NXN: variants seen among roughly 807,000 people sequenced by gnomAD.
NXN encodes nucleoredoxin 1.
A neutral mutation model predicts 48.6 loss-of-function variants in NXN; 16 were observed. The observed-to-expected ratio is 0.33, with a 90% CI of 0.22 to 0.50. NXN has a LOEUF of 0.50. Among genes scored for constraint, NXN ranks in the 20% least tolerant of loss-of-function variants. The pLI, the probability that NXN is intolerant of heterozygous loss-of-function variation, is 0.98. For missense variants in NXN, 492 were observed against 605.5 expected (o/e 0.81, Z 1.97); for synonymous variants, 281 against 269.6 (o/e 1.04, Z -0.41).
chr17:968,146 A>G, intron 1 of NXN, among the ~76,000 whole-genome samples: 1 of 123,234 alleles, frequency 8.1e-6, no homozygotes, highest in Non-Finnish European at 1.6e-5. Flanking sequence ...TATCTTCAAG[A>G]TCATTGAGGA....
At chr17:957,913 C>T (rs2069189892) in intron 1 of NXN, among the ~76,000 whole-genome samples, 1 of 152,174 alleles carries the variant, frequency 6.6e-6, no homozygotes, top group South Asian at 2.1e-4. Flanking sequence ...GTCAGCATCG[C>T]CCAGAATGTA....
intron 1 of NXN, among the ~76,000 whole-genome samples, chr17:964,726 C>T (rs2066976089): frequency 6.6e-6 from 1 of 152,130 alleles, no homozygotes; most frequent in Admixed American, 6.6e-5. Context: ...GAAAAGAAAC[C>T]TATTTCAAAG....
rs557427294 is a variant in NXN at position 945,503 on chromosome 17, C to T, written c.360+33816G>A. 1.6e-3 allele frequency among the ~76,000 whole-genome samples: 247 copies of T among 151,108 alleles called. 2 individuals carry two copies. Among genetic ancestry groups the T allele is most frequent in the Non-Finnish European group, 2.8e-3 (187 of 67,808 alleles). On this transcript the variant is annotated intron_variant, in intron 1 of 7. Coordinates refer to ENST00000336868, the MANE Select transcript of NXN (RefSeq NM_022463.5). ...AAAATTAGCCGGGCGTGGTGGCGGG[C>T]GCCTGTAGTCCCACCTACTTGGGAG...
chr17:928,041 C>G (rs2068819018), intron 1 of NXN, among the ~76,000 whole-genome samples: 1 of 151,948 alleles, frequency 6.6e-6, no homozygotes, highest in Non-Finnish European at 1.5e-5. Flanking sequence ...GAAGAGGACT[C>G]TGGCCAAGAA....
intron 5 of NXN, among the ~76,000 whole-genome samples, chr17:813,381 A>C (rs2144612667): frequency 6.6e-6 from 1 of 152,358 alleles, no homozygotes; most frequent in South Asian, 2.1e-4. Context: ...GCTCTGAAGG[A>C]GAAACGGCCC....
chr17:919,512 C>G lies in NXN; in HGVS notation c.360+59807G>C, dbSNP rs1026780915. 2.6e-5 allele frequency among the ~76,000 whole-genome samples: 4 copies of G among 152,098 alleles called. No homozygotes were observed. The highest frequency in any genetic ancestry group is 7.2e-5 in the African/African-American group (3 of 41,406). On this transcript the variant is annotated intron_variant, in intron 1 of 7. Coordinates refer to ENST00000336868, the MANE Select transcript of NXN (RefSeq NM_022463.5). This position sits in a 1 kb window ranked among gnomAD's most constrained non-coding sequence, Gnocchi z 5.1. The stretch of plus-strand genomic sequence containing the variant: ...AAAAGCCCTGTAATCTCAGCACAAC[C>G]AGAAATTAAAGTGGCAGTTTTGGGA...
chr17:882,911 C>T (rs1053236864), intron 1 of NXN, among the ~76,000 whole-genome samples: 1 of 152,112 alleles, frequency 6.6e-6, no homozygotes, highest in Non-Finnish European at 1.5e-5. Flanking sequence ...TACAGGCGCC[C>T]GCCACCACGC....
chr17:812,214 A>C (rs1227672036), intron 5 of NXN, among the ~76,000 whole-genome samples: 2 of 152,116 alleles, frequency 1.3e-5, no homozygotes, highest in African/African-American at 2.4e-5. Flanking sequence ...GGCGTGAGCC[A>C]CTGCGCGTGG....
chr17:816,438 C>T (rs1355903479), intron 5 of NXN, among the ~76,000 whole-genome samples: 4 of 152,122 alleles, frequency 2.6e-5, no homozygotes, highest in Middle Eastern at 3.4e-3. Context: ...ACGTGTCGGC[C>T]GGGCCTCTGC....
At chr17:939,647 G>T (rs1047019240) in intron 1 of NXN, among the ~76,000 whole-genome samples, 1 of 151,812 alleles carries the variant, frequency 6.6e-6, no homozygotes, top group African/African-American at 2.4e-5. Flanking sequence ...CGCCTGGCCA[G>T]AGATCATCTT....
At chr17:916,313 C>T (rs1292363079) in intron 1 of NXN, among the ~76,000 whole-genome samples, 1 of 152,182 alleles carries the variant, frequency 6.6e-6, no homozygotes, top group Non-Finnish European at 1.5e-5. Flanking sequence ...CTTTCTACTT[C>T]TTCCTGCTGA....
At chr17:889,751 GAAAGAA>G (rs2068393988) in intron 1 of NXN, among the ~76,000 whole-genome samples, 1 of 84,116 alleles carries the variant, frequency 1.2e-5, no homozygotes, top group Admixed American at 1.3e-4. Flanking sequence ...AAGAAAGAAA[GAAAGAA>G]AGAAAAAGAA....
chr17:937,932 G>A lies in NXN; in HGVS notation c.360+41387C>T, dbSNP rs114815247. ...GCAGCCACGAGGGAAGAAAAACGCTGCGCCCAGCGGAAAGGCCACAGGAGC... is the reference window on the plus strand; with the variant it reads ...GCAGCCACGAGGGAAGAAAAACGCTACGCCCAGCGGAAAGGCCACAGGAGC... On this transcript the variant is annotated intron_variant, in intron 1 of 7. Transcript: ENST00000336868. 4.8e-3 allele frequency among the ~76,000 whole-genome samples: 733 copies of A among 152,360 alleles called. 7 individuals carry two copies. Among genetic ancestry groups the A allele is most frequent in the African/African-American group, 0.017 (689 of 41,584 alleles).
At chr17:811,306 A>T (rs1008531910) in intron 5 of NXN, among the ~76,000 whole-genome samples, 1 of 152,238 alleles carries the variant, frequency 6.6e-6, no homozygotes, top group Non-Finnish European at 1.5e-5. Context: ...GAGCCAAACC[A>T]GACAGGGCCC....
intron 1 of NXN, among the ~76,000 whole-genome samples, chr17:909,240 C>T (rs2068611033): frequency 6.6e-6 from 1 of 151,576 alleles, no homozygotes; most frequent in South Asian, 2.1e-4. Context: ...TTTTGTTTTT[C>T]ACTTTTAATC....
chr17:843,037 AAAGAAAGAAAGAAAGAAAG>A (rs1914452743), intron 1 of NXN, among the ~76,000 whole-genome samples: 1 of 142,834 alleles, frequency 7.0e-6, no homozygotes, highest in African/African-American at 2.9e-5. Context: ...AGAAAGAAAG[AAAGAAAGAAAGAAAGAAAG>A]AAGGAAGAAA....
intron 1 of NXN, among the ~76,000 whole-genome samples, chr17:973,889 G>A (rs1457790014): frequency 6.6e-6 from 1 of 151,522 alleles, no homozygotes; most frequent in Non-Finnish European, 1.5e-5. Context: ...ATGTTGGCCA[G>A]GCTGGTCTTG....
chr17:835,274 C>G (rs1464339144), intron 1 of NXN, among the ~76,000 whole-genome samples: 1 of 149,646 alleles, frequency 6.7e-6, no homozygotes, highest in Non-Finnish European at 1.5e-5. Context: ...TGCCACTGCA[C>G]TCCAGCCTGG....
intron 1 of NXN, among the ~76,000 whole-genome samples, chr17:858,932 AGGCAGG>A (rs749460298): frequency 2.0e-5 from 3 of 152,150 alleles, no homozygotes; most frequent in Admixed American, 1.3e-4. Flanking sequence ...AGCCAAGAGC[AGGCAGG>A]GGCCAATTTT....
Sources: gnomAD v4.1 joint callset for allele counts (sites outside exome capture counted in the v4.1 genomes callset) on GRCh38, gnomAD v4.1.1 for gene constraint, Gnocchi (gnomAD v3.1) non-coding constraint, MANE v1.5 for transcripts, NCBI Gene and HGNC (gene_info 2026-07-23, HGNC 2026-07-21) for gene names.